The following EGF variants were observed in gnomAD, a reference collection of about 807,000 sequenced individuals.
The protein encoded by EGF is pro-epidermal growth factor.
Under a neutral mutation model 143.8 loss-of-function variants are expected in EGF, and 95 were observed. The observed-to-expected ratio is 0.66, with a 90% confidence interval of 0.56 to 0.78. The LOEUF (loss-of-function observed/expected upper bound fraction) is 0.78. Ranked by LOEUF, EGF falls within the 30% of genes least tolerant of loss-of-function variation. The pLI is 0.00. For synonymous variants in EGF, 510 were observed against 510.5 expected, an observed-to-expected ratio of 1.00 and a Z score of 0.01; for missense variants, 1,320 against 1,470.9, an observed-to-expected ratio of 0.90 and a Z score of 1.68.
At chr4:109,924,464 TAACTC>T (rs1418951681) in intron 1 of EGF, among the ~76,000 whole-genome samples, 4 of 151,612 alleles carry the variant, frequency 2.6e-5, no homozygotes, top group African/African-American at 4.9e-5. Flanking sequence ...ATCCATGAAT[TAACTC>T]AAATCAAGTC....
chr4:109,959,201 G>T, intron 5 of EGF, 111 bp from the exon 6 acceptor site: 1 of 1,532,858 alleles, frequency 6.5e-7, no homozygotes, highest in South Asian at 1.2e-5. Flanking sequence ...CGTGAGAGAT[G>T]CAGCTGTAGA....
chr4:110,002,464 G>T (rs779219176), intron 21 of EGF, among the ~76,000 whole-genome samples: 1 of 152,162 alleles, frequency 6.6e-6, no homozygotes, highest in Non-Finnish European at 1.5e-5. Context: ...CTGCTCTCCA[G>T]CCTGGGTGAC....
Position 109,960,878 on chromosome 4 carries a change from T to G in EGF, c.1078T>G (p.Cys360Gly). ...TTGTCATTGTGCAGATGTTAATGAA[T>G]GTGCTTTTTGGAATCATGGCTGTAC... ...DRKYCEDVNECAFWNHGCTLG... is the reference protein window; with the variant it reads ...DRKYCEDVNEGAFWNHGCTLG... The change falls in exon 7 of 24, where the codon TGT (cysteine) becomes GGT (glycine). Residue 360 changes from cysteine (C) to glycine (G), a missense_variant. Physicochemically the swap from Cys to Gly is radical, Grantham distance 159. Coordinates refer to ENST00000265171, the MANE Select transcript of EGF (RefSeq NM_001963.6). The G allele has an allele frequency of 6.2e-7, 1 of 1,613,984 alleles. No individual in the cohort carries two copies.
intron 18 of EGF, among the ~76,000 whole-genome samples, chr4:109,991,388 T>C (rs900656578): frequency 2.0e-5 from 3 of 152,114 alleles, no homozygotes; most frequent in Non-Finnish European, 2.9e-5. Flanking sequence ...GACAGCAAAG[T>C]TCTAGGCAAC....
intron 5 of EGF, among the ~76,000 whole-genome samples, chr4:109,947,735 A>C (rs778406663): frequency 6.6e-6 from 1 of 152,256 alleles, no homozygotes; most frequent in Non-Finnish European, 1.5e-5. Flanking sequence ...AGTCCCATTC[A>C]TAATAATTAG....
At chr4:109,934,847 A>G (rs966731566) in intron 1 of EGF, among the ~76,000 whole-genome samples, 4 of 152,036 alleles carry the variant, frequency 2.6e-5, no homozygotes, top group African/African-American at 9.7e-5. Flanking sequence ...GTTTTTGTCA[A>G]GCTTGTCAAA....
At chr4:109,914,638 G>A (rs185899118) in intron 1 of EGF, among the ~76,000 whole-genome samples, 1 of 152,278 alleles carries the variant, frequency 6.6e-6, no homozygotes, top group East Asian at 1.9e-4. Flanking sequence ...CCAGCACCTA[G>A]GACATTCCTG....
At chr4:110,000,218 T>C (rs11569100) in intron 21 of EGF, among the ~76,000 whole-genome samples, 35,724 of 135,686 alleles carry the variant, frequency 0.26, 4,927 homozygotes, top group Middle Eastern at 0.4. Flanking sequence ...GCCACTCCAC[T>C]CCAGCATGGG....
chr4:109,935,758 G>A (rs371465558), intron 1 of EGF, among the ~76,000 whole-genome samples: 96 of 152,190 alleles, frequency 6.3e-4, no homozygotes, highest in African/African-American at 2.1e-3. Context: ...GCATGTAAGG[G>A]TGTTGAATTT....
chr4:110,001,947 A>G (rs1752623154), intron 21 of EGF: 1 of 985,298 alleles, frequency 1.0e-6, no homozygotes, highest in East Asian at 1.1e-4. Context: ...GCAAAGTTTC[A>G]GCTATGTGCA....
intron 1 of EGF, among the ~76,000 whole-genome samples, chr4:109,920,444 A>T (rs1737566944): frequency 6.6e-6 from 1 of 151,602 alleles, no homozygotes; most frequent in African/African-American, 2.4e-5. Context: ...CCAGAGGTCG[A>T]GGAGAACAGG....
In EGF at chr4:110,012,542, G is replaced by T. The variant is rs758675609; in HGVS notation, c.*1087G>T. Among the ~76,000 whole-genome samples, 13 of 151,844 alleles carry T rather than the reference G, an allele frequency of 8.6e-5. No homozygotes were observed. Among genetic ancestry groups the T allele is most frequent in the Non-Finnish European group, 1.5e-4 (10 of 67,960 alleles). ...GCACAGGCCACCATGCCTGGCTAAGGTTTTTATTTTTATTTTTTGTAGACA... is the reference window on the plus strand; with the variant it reads ...GCACAGGCCACCATGCCTGGCTAAGTTTTTTATTTTTATTTTTTGTAGACA... On this transcript the variant is annotated 3_prime_UTR_variant, in exon 24 of 24. Transcript: ENST00000265171.
intron 5 of EGF, among the ~76,000 whole-genome samples, chr4:109,946,681 G>GT (rs1185911202): frequency 6.6e-6 from 1 of 151,948 alleles, no homozygotes; most frequent in Non-Finnish European, 1.5e-5. Flanking sequence ...TATTTTGTTT[G>GT]TTTTTTTAGC....
At chr4:109,952,693 C>G (rs1385509001) in intron 5 of EGF, among the ~76,000 whole-genome samples, 1 of 152,120 alleles carries the variant, frequency 6.6e-6, no homozygotes, top group Non-Finnish European at 1.5e-5. Context: ...TTCTTAGCAT[C>G]ATTTATAGTT....
At chr4:109,944,942 A>G in intron 4 of EGF, 131 bp from the exon 5 acceptor site, 1 of 959,880 alleles carries the variant, frequency 1.0e-6, no homozygotes. Context: ...ATACTTTTCT[A>G]AACATAAATG....
At position 109,944,068 on chromosome 4, in the gene EGF, C is replaced by G. The variant is rs142458920; in HGVS notation, c.736C>G (p.Gln246Glu). 11 of 1,612,914 alleles carry G rather than the reference C, an allele frequency of 6.8e-6. No individual in the cohort carries two copies. The highest frequency in any genetic ancestry group is 8.5e-7 in the Non-Finnish European group (1 of 1,179,140). ...GSVHISKHPT[Q>E]HNLFAMSLFG... is the part of the protein sequence containing the mutation. ...TGTCCACATTAGTAAACATCCAACA[C>G]AGTAAGTTTTACTCTTGGTATAAAA... Residue 246 changes from glutamine (Q) to glutamate (E), a missense_variant and splice_region_variant, in exon 4 of 24, where the codon CAG (glutamine) becomes GAG (glutamate). Around this residue, in one of 5 missense-constraint regions of EGF, gnomAD observed 1,186 missense variants for 1,313.7 expected, o/e 0.90. Coordinates refer to ENST00000265171, the MANE Select transcript of EGF (RefSeq NM_001963.6).
At chr4:109,933,721 C>T (rs1282883072) in intron 1 of EGF, among the ~76,000 whole-genome samples, 1 of 152,148 alleles carries the variant, frequency 6.6e-6, no homozygotes, top group Non-Finnish European at 1.5e-5. Context: ...TGGTTTCCAG[C>T]TTCAACCATG....
intron 21 of EGF, among the ~76,000 whole-genome samples, chr4:110,002,500 A>T (rs1168221692): frequency 6.6e-6 from 1 of 152,168 alleles, no homozygotes; most frequent in Non-Finnish European, 1.5e-5. Context: ...CTCAAAAACA[A>T]AACAAAACAA....
chr4:109,960,586 A>G (rs1202097169), intron 6 of EGF, among the ~76,000 whole-genome samples: 1 of 152,158 alleles, frequency 6.6e-6, no homozygotes, highest in African/African-American at 2.4e-5. Flanking sequence ...CAGAGGTTGC[A>G]GTGAGCTGAG....
Sources: gnomAD v4.1 joint callset for allele counts (sites outside exome capture counted in the v4.1 genomes callset) on GRCh38, gnomAD v4.1.1 for gene constraint, gnomAD v4.1.1 regional missense constraint, MANE v1.5 for transcripts, NCBI Gene and HGNC (gene_info 2026-07-23, HGNC 2026-07-21) for gene names.